Variants in UNC13C observed in about 807,000 individuals in gnomAD.
The protein encoded by UNC13C is unc-13 homolog C.
In UNC13C, 174 loss-of-function variants were observed where a neutral mutation model predicts 245.4. The observed-to-expected ratio is 0.71, with a 90% confidence interval of 0.63 to 0.80. The LOEUF is 0.80. Among genes scored for constraint, UNC13C ranks in the 30% least tolerant of loss-of-function variants. The pLI is 0.00. For missense variants in UNC13C, 2,829 were observed against 2,602.9 expected, an observed-to-expected ratio of 1.09 and a Z score of -1.89; for synonymous variants, 992 against 895.1, an observed-to-expected ratio of 1.11 and a Z score of -1.93.
chr15:54,500,841 C>T lies in UNC13C; in HGVS notation c.5164C>T (p.Gln1722Ter). ...LGRDKKDGFQQTSEHALFSCS... is the reference protein window; with the variant it reads ...LGRDKKDGFQ The stretch of plus-strand genomic sequence containing the variant: ...TCACCTCCTCTCCCCACAGTTCCAG[C>T]AGACATCTGAGCATGCTCTCTTTTC... Residue 1722 changes from glutamine (Q) to a stop codon, truncating the protein, a stop_gained, in exon 22 of 33, where the codon CAG becomes TAG. Transcript: ENST00000260323. LOFTEE classifies it high-confidence loss of function. 1 of 1,612,606 alleles carries T rather than the reference C, an allele frequency of 6.2e-7. No individual in the cohort carries two copies. Among genetic ancestry groups the T allele is most frequent in the Non-Finnish European group, 8.5e-7 (1 of 1,179,082 alleles).
At chr15:54,260,747 A>G (rs144426994) in intron 8 of UNC13C, among the ~76,000 whole-genome samples, 1,598 of 149,010 alleles carry the variant, frequency 0.011, 22 homozygotes, top group African/African-American at 0.038. Context: ...TGTTTTATAT[A>G]TAAAGTTACG....
intron 19 of UNC13C, among the ~76,000 whole-genome samples, chr15:54,467,450 C>G (rs1311616544): frequency 6.6e-6 from 1 of 151,284 alleles, no homozygotes; most frequent in Non-Finnish European, 1.5e-5. Flanking sequence ...TTTTCATTAC[C>G]TCAAATATTT....
intron 7 of UNC13C, among the ~76,000 whole-genome samples, chr15:54,246,409 T>C (rs973373629): frequency 1.9e-5 from 1 of 52,092 alleles, no homozygotes; most frequent in Non-Finnish European, 4.1e-5. Context: ...AATGTGAAAA[T>C]AATGTTTTTT....
chr15:54,035,768 T>C (rs922514575), intron 2 of UNC13C, among the ~76,000 whole-genome samples: 3 of 152,042 alleles, frequency 2.0e-5, no homozygotes, highest in African/African-American at 7.2e-5. Flanking sequence ...GCGCACCCAA[T>C]GCTAGGAAGC....
chr15:54,396,565 A>G (rs972918159), intron 18 of UNC13C, among the ~76,000 whole-genome samples: 4 of 151,570 alleles, frequency 2.6e-5, no homozygotes, highest in African/African-American at 9.7e-5. Flanking sequence ...GTTGCTATGA[A>G]TATTTGTTTA....
rs78814186 is a variant in UNC13C, at chr15:54,236,068, A to G, written c.3151-362A>G. On this transcript the variant is annotated intron_variant, in intron 5 of 32. Coordinates refer to ENST00000260323, the MANE Select transcript of UNC13C (RefSeq NM_001080534.3). ...AAGTGTCTCTTCTATCATCCAAAAT[A>G]TCTTCACATTTTATGGGCATATTTT... is the stretch of plus-strand genomic sequence containing the variant. Among the ~76,000 whole-genome samples, 1,129 of 152,074 alleles carry G rather than the reference A, an allele frequency of 7.4e-3. 19 individuals are homozygous for G. The highest frequency in any genetic ancestry group is 0.026 in the African/African-American group (1,098 of 41,506).
chr15:54,200,960 C>T (rs1178039384), intron 4 of UNC13C, among the ~76,000 whole-genome samples: 1 of 151,966 alleles, frequency 6.6e-6, no homozygotes, highest in East Asian at 1.9e-4. Context: ...TCCAAATAGG[C>T]TCAGTTAGAA....
intron 2 of UNC13C, chr15:54,048,541 T>G: frequency 1.9e-6 from 1 of 520,706 alleles, no homozygotes; most frequent in South Asian, 1.8e-5. Flanking sequence ...TTTGACTCTT[T>G]AAATGGAAGA....
intron 32 of UNC13C, among the ~76,000 whole-genome samples, chr15:54,624,678 T>C (rs1340830165): frequency 6.6e-6 from 1 of 152,116 alleles, no homozygotes; most frequent in Non-Finnish European, 1.5e-5. Context: ...ATTGCAATAG[T>C]CCAGGCAATA....
chr15:54,091,007 C>A (rs1367737289), intron 2 of UNC13C, among the ~76,000 whole-genome samples: 1 of 149,126 alleles, frequency 6.7e-6, no homozygotes, highest in East Asian at 2.0e-4. Context: ...ATTCTGTAAG[C>A]TCTGAATGTC....
At chr15:53,891,723 C>T in the UNC13C span, among the ~76,000 whole-genome samples, 1 of 152,024 alleles carries the variant, frequency 6.6e-6, no homozygotes, top group Non-Finnish European at 1.5e-5. Flanking sequence ...CTGAATATTC[C>T]TCTGTCCCTT....
At chr15:53,939,508 A>G in the UNC13C span, among the ~76,000 whole-genome samples, 2 of 152,196 alleles carry the variant, frequency 1.3e-5, no homozygotes. Context: ...TCATCCTGAT[A>G]CCAAAACCTG....
At chr15:54,597,803 G>A (rs1248345130) in intron 30 of UNC13C, among the ~76,000 whole-genome samples, 3 of 152,102 alleles carry the variant, frequency 2.0e-5, no homozygotes, top group Non-Finnish European at 4.4e-5. Flanking sequence ...TTTTTATTGA[G>A]TGTCTAAAAA....
chr15:54,037,805 A>G (rs557813602), intron 2 of UNC13C, among the ~76,000 whole-genome samples: 61 of 152,042 alleles, frequency 4.0e-4, no homozygotes, highest in African/African-American at 1.4e-3. Flanking sequence ...GTTATGGAGT[A>G]CATTCATTTG....
intron 2 of UNC13C, among the ~76,000 whole-genome samples, chr15:54,020,761 T>C (rs537290865): frequency 9.2e-5 from 14 of 152,202 alleles, no homozygotes; most frequent in Non-Finnish European, 1.6e-4. Flanking sequence ...TCAAAAGTCC[T>C]AGGGGATTTT....
At chr15:53,854,089 T>C in the UNC13C span, among the ~76,000 whole-genome samples, 2 of 151,540 alleles carry the variant, frequency 1.3e-5, no homozygotes, top group East Asian at 1.9e-4. Context: ...TCCTGAATTG[T>C]ATTGCCTAGA....
At chr15:54,065,792 G>A (rs372557545) in intron 2 of UNC13C, among the ~76,000 whole-genome samples, 29 of 152,266 alleles carry the variant, frequency 1.9e-4, no homozygotes, top group African/African-American at 7.0e-4. Flanking sequence ...CTCTTTTTGT[G>A]CATCTTGGAA....
At chr15:53,966,003 T>C in the UNC13C span, among the ~76,000 whole-genome samples, 3 of 152,172 alleles carry the variant, frequency 2.0e-5, no homozygotes, top group African/African-American at 7.2e-5. Flanking sequence ...TCTTTGCTAT[T>C]GTGAATAATG....
At chr15:54,557,638 A>C (rs1389995189) in intron 29 of UNC13C, among the ~76,000 whole-genome samples, 1 of 151,788 alleles carries the variant, frequency 6.6e-6, no homozygotes, top group Non-Finnish European at 1.5e-5. Context: ...ATGACCTTAG[A>C]CCAAAGGAGC....
Sources: allele counts gnomAD v4.1 joint callset (sites outside exome capture counted in the v4.1 genomes callset), GRCh38; gene constraint gnomAD v4.1.1; transcripts MANE v1.5; gene names NCBI Gene and HGNC (gene_info 2026-07-23, HGNC 2026-07-21).